NUP35: variants seen among roughly 807,000 people sequenced by gnomAD.
The protein encoded by NUP35 is nucleoporin 35, also known as nucleoporin NUP35.
A neutral mutation model predicts 41.5 loss-of-function variants in NUP35; 25 were observed. The ratio of observed to expected loss-of-function variants is 0.60; its 90% CI spans 0.44 to 0.84. The LOEUF is 0.84. Among genes scored for constraint, NUP35 ranks in the 40% least tolerant of loss-of-function variants. NUP35 has a pLI of 0.00. For missense variants in NUP35, 396 were observed against 396.6 expected, an observed-to-expected ratio of 1.00 and a Z score of 0.01; for synonymous variants, 149 against 130.7, an observed-to-expected ratio of 1.14 and a Z score of -0.96.
At chr2:183,136,210 C>CTTTGGA (rs1684870200) in intron 4 of NUP35, among the ~76,000 whole-genome samples, 2 of 152,220 alleles carry the variant, frequency 1.3e-5, no homozygotes, top group East Asian at 1.9e-4. Context: ...TTAACAGCAG[C>CTTTGGA]ACCTGACTTG....
At chr2:183,121,367 G>C (rs923532308), upstream of NUP35, among the ~76,000 whole-genome samples, 7 of 152,092 alleles carry the variant, frequency 4.6e-5, no homozygotes, top group African/African-American at 1.7e-4. Context: ...TGAAATGAGA[G>C]AGAAATTAGC....
At chr2:183,153,741 G>C (rs1264597893) in intron 5 of NUP35, among the ~76,000 whole-genome samples, 1 of 152,162 alleles carries the variant, frequency 6.6e-6, no homozygotes, top group Non-Finnish European at 1.5e-5. Context: ...CAAGCTGTCA[G>C]TGGATCTACC....
intron 4 of NUP35, 142 bp from the exon 5 acceptor site, chr2:183,151,366 T>C (rs1381484578): frequency 3.2e-6 from 2 of 624,940 alleles, no homozygotes; most frequent in East Asian, 5.8e-5. Context: ...ATGAAATTGC[T>C]ATTTGACCAC....
chr2:183,121,915 T>TTTATTATTTTTATTATTA (rs1553526830), upstream of NUP35, among the ~76,000 whole-genome samples: 2 of 145,322 alleles, frequency 1.4e-5, no homozygotes, highest in Non-Finnish European at 3.0e-5. Context: ...GGCCATTCTT[T>TTTATTATTTTTATTATTA]TTATTATTAT....
At chr2:183,156,286 A>C (rs1046776825) in intron 5 of NUP35, among the ~76,000 whole-genome samples, 2 of 152,168 alleles carry the variant, frequency 1.3e-5, no homozygotes, top group African/African-American at 4.8e-5. Flanking sequence ...GATTTTATAC[A>C]AATGAATTTT....
chr2:183,125,591 G>C (rs906799627), intron 1 of NUP35, among the ~76,000 whole-genome samples: 1 of 152,176 alleles, frequency 6.6e-6, no homozygotes, highest in Non-Finnish European at 1.5e-5. Flanking sequence ...TTTATATATA[G>C]ATGTCGTCTT....
intron 8 of NUP35, 23 bp from the exon 9 acceptor site, chr2:183,161,031 T>C (rs1343417508): frequency 6.3e-7 from 1 of 1,596,938 alleles, no homozygotes; most frequent in Non-Finnish European, 8.6e-7. Flanking sequence ...CTAACCGTTT[T>C]TTTTGTGTGT....
In NUP35 at chr2:183,161,071, A is replaced by C; in HGVS notation, c.921A>C (p.Gln307His). 6.2e-7 allele frequency: 1 copy of C among 1,613,242 alleles called. No individual in the cohort carries two copies. Among genetic ancestry groups the C allele is most frequent in the South Asian group, 1.1e-5 (1 of 91,012 alleles). The change falls in exon 9 of 9, where the codon CAA becomes CAC. Residue 307 changes from glutamine (Q) to histidine (H), a missense_variant. Gln to His is a conservative substitution (Grantham distance 24). Coordinates refer to ENST00000295119, the MANE Select transcript of NUP35 (RefSeq NM_138285.5). Reference protein sequence around the residue: ...TSDYQVISDRQTPKKDESLVS... With the variant: ...TSDYQVISDRHTPKKDESLVS... ...TTTAATAGGTTATTTCTGACAGACA[A>C]ACGCCAAAAAAAGATGAAAGTCTTG...
chr2:183,152,004 C>G (rs1318618760), intron 5 of NUP35, among the ~76,000 whole-genome samples: 1 of 151,972 alleles, frequency 6.6e-6, no homozygotes, highest in African/African-American at 2.4e-5. Flanking sequence ...AGATGGAACA[C>G]AGTTGTCCCT....
chr2:183,131,260 G>A (rs1413088178), intron 3 of NUP35: 1 of 158,944 alleles, frequency 6.3e-6, no homozygotes, highest in African/African-American at 2.4e-5. Context: ...TTTCTTTTAA[G>A]TAGAAAATTT....
At chr2:183,152,480 T>G (rs1559154488) in intron 5 of NUP35, among the ~76,000 whole-genome samples, 1 of 152,174 alleles carries the variant, frequency 6.6e-6, no homozygotes, top group Non-Finnish European at 1.5e-5. Context: ...GCATCATTCT[T>G]ATGCTTTTGC....
At chr2:183,125,120 T>C (rs928317409) in intron 1 of NUP35, among the ~76,000 whole-genome samples, 2 of 151,928 alleles carry the variant, frequency 1.3e-5, no homozygotes, top group African/African-American at 4.9e-5. Context: ...CCGCCTTTAT[T>C]TGGGGAAAGT....
At chr2:183,134,891 T>C (rs1472812988) in intron 4 of NUP35, among the ~76,000 whole-genome samples, 1 of 152,052 alleles carries the variant, frequency 6.6e-6, no homozygotes, top group Non-Finnish European at 1.5e-5. Context: ...CCCAAAGTGC[T>C]GGGATTAAAG....
At position 183,159,687 on chromosome 2, in the gene NUP35, T is replaced by G. The variant is rs1170984293; in HGVS notation, c.903+35T>G. On this transcript the variant is annotated intron_variant, in intron 8 of 8. Transcript: ENST00000295119. ...GGATTGGATAAAAAAAGATGTACTT[T>G]AATGGCTGAGTGCATAGCATGCTTA... 3.2e-6 allele frequency: 5 copies of G among 1,541,568 alleles called. No homozygotes were observed. In the South Asian group the frequency reaches 5.6e-5, roughly 17 times the overall value.
chr2:183,146,065 G>A (rs570609390), intron 4 of NUP35, among the ~76,000 whole-genome samples: 18 of 152,156 alleles, frequency 1.2e-4, no homozygotes, highest in South Asian at 6.2e-4. Flanking sequence ...GTGAAACCTC[G>A]TCTCTATTAA....
intron 4 of NUP35, among the ~76,000 whole-genome samples, chr2:183,135,129 G>T (rs1278319272): frequency 6.6e-6 from 1 of 151,998 alleles, no homozygotes; most frequent in African/African-American, 2.4e-5. Context: ...TGTATTTTAA[G>T]GTCAGTTGAT....
At chr2:183,133,066 A>C (rs1413843281) in intron 3 of NUP35, among the ~76,000 whole-genome samples, 1 of 152,200 alleles carries the variant, frequency 6.6e-6, no homozygotes, top group East Asian at 1.9e-4. Context: ...TAAAGGAACT[A>C]AAATGGATAA....
intron 4 of NUP35, 25 bp from the exon 5 acceptor site, chr2:183,151,483 T>C: frequency 6.2e-7 from 1 of 1,607,014 alleles, no homozygotes; most frequent in East Asian, 2.2e-5. Flanking sequence ...CACTGGCAAC[T>C]AACTTGCTAA....
intron 4 of NUP35, among the ~76,000 whole-genome samples, chr2:183,135,469 G>A (rs1406796453): frequency 6.6e-6 from 1 of 152,194 alleles, no homozygotes; most frequent in African/African-American, 2.4e-5. Context: ...ACATGGCCCT[G>A]TAGGTTATTG....
Sources: allele counts gnomAD v4.1 joint callset (sites outside exome capture counted in the v4.1 genomes callset), GRCh38; gene constraint gnomAD v4.1.1; transcripts MANE v1.5; gene names NCBI Gene and HGNC (gene_info 2026-07-23, HGNC 2026-07-21).